SORCS2: variants seen among roughly 807,000 people sequenced by gnomAD.
SORCS2 encodes the protein sortilin related VPS10 domain containing receptor 2, also known as VPS10 domain-containing receptor SorCS2.
In SORCS2, 100 loss-of-function variants were observed where a neutral mutation model predicts 141.6. The ratio of observed to expected loss-of-function variants is 0.71; its 90% CI spans 0.60 to 0.83. SORCS2 has a LOEUF of 0.83. Among genes scored for constraint, SORCS2 ranks in the 40% least tolerant of loss-of-function variants. The probability of loss-of-function intolerance (pLI) is 0.00; values close to 1 mark genes in which losing one functional copy is unlikely to be tolerated. For missense variants in SORCS2, 1,646 were observed against 1,560.2 expected (o/e 1.05, Z -0.93); for synonymous variants, 789 against 676.9 (o/e 1.17, Z -2.57).
In SORCS2 at chr4:7,725,280, G is replaced by A. The variant is rs761700530; in HGVS notation, c.2738G>A (p.Ser913Asn). 26 of 1,612,618 alleles carry A rather than the reference G, an allele frequency of 1.6e-5. No individual in the cohort carries two copies. Among genetic ancestry groups the A allele is most frequent in the East Asian group, 2.2e-5 (1 of 44,864 alleles). The stretch of plus-strand genomic sequence containing the variant: ...GTCTTCTACTGGTGGATCGGCCACA[G>A]CCTGCAGGTGCGCTGGCTTTGCCCC... ...LTVFYWWIGHSLQPLLSLDNS... is the reference protein window; with the variant it reads ...LTVFYWWIGHNLQPLLSLDNS... The change falls in exon 20 of 27, where the codon AGC becomes AAC. Residue 913 changes from serine to asparagine, a missense_variant. Physicochemically the swap from Ser to Asn is conservative, Grantham distance 46 (BLOSUM62 1). Transcript: ENST00000507866.
rs561153465 is a variant in SORCS2 at position 7,637,889 on chromosome 4, G to A, written c.649-439G>A. Among the ~76,000 whole-genome samples, 32 of 151,840 alleles carry A rather than the reference G, an allele frequency of 2.1e-4. No homozygotes were observed. In the South Asian group the frequency reaches 3.1e-3, roughly 15 times the overall value. Reference sequence around the variant, plus strand: ...GAATGGCTATGATTTGCATTGAGCCGGCTGGGTTGAGAGTGGACCCACCAT... The same window carrying A: ...GAATGGCTATGATTTGCATTGAGCCAGCTGGGTTGAGAGTGGACCCACCAT... On this transcript the variant is annotated intron_variant, in intron 3 of 26. Transcript: ENST00000507866.
intron 10 of SORCS2, among the ~76,000 whole-genome samples, chr4:7,683,809 C>T (rs1375798773): frequency 6.6e-6 from 1 of 152,218 alleles, no homozygotes; most frequent in Admixed American, 6.5e-5. Context: ...GAAGTATCGA[C>T]TGCCTGAGTC....
chr4:7,194,503 G>T (rs1727052060), intron 1 of SORCS2, among the ~76,000 whole-genome samples: 1 of 152,196 alleles, frequency 6.6e-6, no homozygotes, highest in African/African-American at 2.4e-5. Context: ...GCATCTATCA[G>T]GGTACAGGTG....
At chr4:7,228,168 T>C (rs946959496) in intron 1 of SORCS2, among the ~76,000 whole-genome samples, 2 of 152,208 alleles carry the variant, frequency 1.3e-5, no homozygotes, top group African/African-American at 2.4e-5. Flanking sequence ...CCCCGCTCCT[T>C]GGCTCGCAGA....
chr4:7,649,389 T>C (rs1357935460), intron 4 of SORCS2, among the ~76,000 whole-genome samples: 2 of 147,816 alleles, frequency 1.4e-5, no homozygotes, highest in Non-Finnish European at 2.9e-5. Context: ...GGGTGTGGGC[T>C]TTTTTGGAGG....
At position 7,316,212 on chromosome 4, in the gene SORCS2, TTCCATCCATCCA is replaced by T. The variant is rs376660766; in HGVS notation, c.481-80046_481-80035del. 7.3e-5 allele frequency among the ~76,000 whole-genome samples: 11 copies of T among 150,514 alleles called. No homozygotes were observed. In the East Asian group the frequency reaches 1.2e-3, roughly 16 times the overall value. ...CATCCACCCATCCAGCTAGCTTTCC[TTCCATCCATCCA>T]TCCATCCATCCATCCATCCATCCAT... On this transcript the variant is annotated intron_variant, in intron 1 of 26. Coordinates refer to ENST00000507866, the MANE Select transcript of SORCS2 (RefSeq NM_020777.3).
chr4:7,529,524 A>G (rs1297190392), intron 2 of SORCS2, among the ~76,000 whole-genome samples: 1 of 152,144 alleles, frequency 6.6e-6, no homozygotes, highest in Non-Finnish European at 1.5e-5. Flanking sequence ...GGGGAGCAGG[A>G]CTGAGGCCAG....
At chr4:7,389,180 G>C (rs1723698948) in intron 1 of SORCS2, among the ~76,000 whole-genome samples, 1 of 152,202 alleles carries the variant, frequency 6.6e-6, no homozygotes, top group South Asian at 2.1e-4. Context: ...TGGCAGTGGA[G>C]CTTGTCTGGC....
At chr4:7,257,105 A>G (rs1323138256) in intron 1 of SORCS2, among the ~76,000 whole-genome samples, 1 of 152,080 alleles carries the variant, frequency 6.6e-6, no homozygotes, top group Non-Finnish European at 1.5e-5. Flanking sequence ...GAGAGAGAGA[A>G]GGGATATTAT....
Position 7,450,578 on chromosome 4 carries a change from C to T in SORCS2, c.548+54223C>T, listed in dbSNP as rs112790997. Among the ~76,000 whole-genome samples the T allele has an allele frequency of 3.3e-5, 5 of 152,326 alleles. No individual in the cohort carries two copies. In the South Asian group the frequency reaches 6.2e-4, roughly 19 times the overall value. ...TAGGTGCTGTGTGTAAGGATGCATC[C>T]GTGCCTTCTCTCACACACATATGTT... On this transcript the variant is annotated intron_variant, in intron 2 of 26. Coordinates refer to ENST00000507866, the MANE Select transcript of SORCS2 (RefSeq NM_020777.3).
chr4:7,298,139 G>A (rs1287223836), intron 1 of SORCS2, among the ~76,000 whole-genome samples: 1 of 152,204 alleles, frequency 6.6e-6, no homozygotes, highest in African/African-American at 2.4e-5. Context: ...GGACAGAGGG[G>A]AACAGAGCGT....
At chr4:7,573,372 T>G (rs1715521174) in intron 3 of SORCS2, among the ~76,000 whole-genome samples, 1 of 152,206 alleles carries the variant, frequency 6.6e-6, no homozygotes, top group Admixed American at 6.5e-5. Context: ...TCGGTTACTG[T>G]GTGGCAATGC....
intron 1 of SORCS2, among the ~76,000 whole-genome samples, chr4:7,338,173 A>ATGGATGGATGTTGGATGGATGTTGGATGT (rs140364453): frequency 6.9e-6 from 1 of 145,328 alleles, no homozygotes; most frequent in Admixed American, 6.8e-5. Flanking sequence ...GGATGGATGG[A>ATGGATGGATGTTGGATGGATGTTGGATGT]TGGATGGATG....
At chr4:7,610,130 A>G (rs1378285808) in intron 3 of SORCS2, among the ~76,000 whole-genome samples, 1 of 152,070 alleles carries the variant, frequency 6.6e-6, no homozygotes, top group Non-Finnish European at 1.5e-5. Flanking sequence ...ATGCCAGGGA[A>G]TTGGGGGGAA....
intron 26 of SORCS2, among the ~76,000 whole-genome samples, chr4:7,737,805 C>T (rs1712317835): frequency 6.6e-6 from 1 of 152,218 alleles, no homozygotes; most frequent in African/African-American, 2.4e-5. Context: ...GGGCTGCTCG[C>T]TGTCAGGGTC....
Position 7,734,377 on chromosome 4 carries a change from A to G in SORCS2, c.3311+3A>G. ...TTCATCCTCTACAAGTTCAAAAGGCAAGGCCCTTGGCTGCCCTCCTCTGCG... is the reference window on the plus strand; with the variant it reads ...TTCATCCTCTACAAGTTCAAAAGGCGAGGCCCTTGGCTGCCCTCCTCTGCG... On this transcript the variant is annotated splice_donor_region_variant and intron_variant, in intron 25 of 26. Transcript: ENST00000507866. The G allele has an allele frequency of 6.5e-7, 1 of 1,532,148 alleles. No individual in the cohort carries two copies. The highest frequency in any genetic ancestry group is 8.8e-7 in the Non-Finnish European group (1 of 1,135,852). 94.9% of individuals were successfully genotyped at this position (1,532,148 alleles called of 1,614,324 possible). A position where few individuals can be genotyped will look rare whatever the true frequency, so the allele number is the denominator to read the frequency against.
rs1355703269 is a variant in SORCS2, at chr4:7,742,238, G to A, written c.*1974G>A. 1.3e-5 allele frequency: 2 copies of A among 152,290 alleles called. No individual in the cohort carries two copies. Among genetic ancestry groups the A allele is most frequent in the Admixed American group, 1.3e-4 (2 of 15,286 alleles). The allele number at this position is 152,290 out of a possible 1,614,324, so 9.4% of individuals were successfully genotyped here. Reference sequence around the variant, plus strand: ...GCTTGCAGTCTGCAAGGACACCTTTGCAGGGATTCTTGTCCTGCTGGCCAC... The same window carrying A: ...GCTTGCAGTCTGCAAGGACACCTTTACAGGGATTCTTGTCCTGCTGGCCAC... On this transcript the variant is annotated 3_prime_UTR_variant, in exon 27 of 27. Coordinates refer to ENST00000507866, the MANE Select transcript of SORCS2 (RefSeq NM_020777.3).
intron 2 of SORCS2, among the ~76,000 whole-genome samples, chr4:7,523,631 G>C (rs1053399658): frequency 3.9e-5 from 6 of 152,060 alleles, no homozygotes; most frequent in East Asian, 1.9e-4. Flanking sequence ...CATGAGCCGG[G>C]GCAGCAACTG....
rs1731260755 is a variant in SORCS2, at chr4:7,490,640, G to A, written c.549-40890G>A. On this transcript the variant is annotated intron_variant, in intron 2 of 26. Coordinates refer to ENST00000507866, the MANE Select transcript of SORCS2 (RefSeq NM_020777.3). ...AGACAGACAGATGGCTCCTCAGATA[G>A]CTCAGTTCCCAGTTCCATGCACCGT... Among the ~76,000 whole-genome samples, 2 of 152,178 alleles carry A rather than the reference G, an allele frequency of 1.3e-5. 1 individual carries two copies. The highest frequency in any genetic ancestry group is 4.1e-4 in the South Asian group (2 of 4,832).
Sources: allele counts gnomAD v4.1 joint callset (sites outside exome capture counted in the v4.1 genomes callset), GRCh38; gene constraint gnomAD v4.1.1; transcripts MANE v1.5; gene names NCBI Gene and HGNC (gene_info 2026-07-23, HGNC 2026-07-21).